CDC14A: variants seen among roughly 807,000 people sequenced by gnomAD.
CDC14A encodes the protein dual specificity protein phosphatase CDC14A.
In CDC14A, 53 loss-of-function variants were observed where a neutral mutation model predicts 74.4. The observed-to-expected ratio is 0.71, with a 90% confidence interval of 0.57 to 0.89. The LOEUF is 0.89. Ranked by LOEUF, CDC14A falls within the 40% of genes least tolerant of loss-of-function variation. CDC14A has a pLI of 0.00. For missense variants in CDC14A, 646 were observed against 713.7 expected (o/e 0.91, Z 1.08); for synonymous variants, 247 against 258.4 (o/e 0.96, Z 0.43).
intron 4 of CDC14A, among the ~76,000 whole-genome samples, chr1:100,400,433 G>C (rs931524354): frequency 2.6e-5 from 4 of 152,208 alleles, no homozygotes; most frequent in Middle Eastern, 3.4e-3. Context: ...TCAGCTACTA[G>C]TGTTCTGTCA....
chr1:100,347,633 T>C (rs1650540946), upstream of CDC14A, among the ~76,000 whole-genome samples: 1 of 152,226 alleles, frequency 6.6e-6, no homozygotes, highest in South Asian at 2.1e-4. Flanking sequence ...TACATGTATT[T>C]TACTAAAAGC....
chr1:100,475,228 T>A (rs1668771900), intron 10 of CDC14A, among the ~76,000 whole-genome samples: 1 of 152,228 alleles, frequency 6.6e-6, no homozygotes, highest in Admixed American at 6.5e-5. Context: ...TTTGGTTATA[T>A]GCTATTCTAA....
At chr1:100,436,640 G>A (rs748564027) in intron 5 of CDC14A, among the ~76,000 whole-genome samples, 1 of 152,048 alleles carries the variant, frequency 6.6e-6, no homozygotes, top group African/African-American at 2.4e-5. Context: ...GGACCAGGCT[G>A]GTCTTGAACT....
intron 4 of CDC14A, among the ~76,000 whole-genome samples, chr1:100,402,650 A>G (rs1253184394): frequency 6.6e-6 from 1 of 152,158 alleles, no homozygotes; most frequent in African/African-American, 2.4e-5. Context: ...TCAGTTGGAG[A>G]ATCTGAACCC....
chr1:100,504,821 G>A (rs899054027), intron 15 of CDC14A: 13 of 1,535,260 alleles, frequency 8.5e-6, no homozygotes, highest in Admixed American at 5.9e-5. Context: ...CAGTGTTCAT[G>A]CCTACTGCTA....
intron 3 of CDC14A, among the ~76,000 whole-genome samples, chr1:100,380,766 C>G (rs1655993420): frequency 6.6e-6 from 1 of 152,184 alleles, no homozygotes; most frequent in Non-Finnish European, 1.5e-5. Context: ...ATTTCATGCA[C>G]TAATTTACTG....
intron 5 of CDC14A, among the ~76,000 whole-genome samples, chr1:100,434,400 C>T (rs923702980): frequency 1.3e-5 from 2 of 152,110 alleles, no homozygotes; most frequent in African/African-American, 4.8e-5. Flanking sequence ...GCCTTGTGGC[C>T]ACAGTGAAGA....
chr1:100,493,484 G>C (rs565206676), intron 11 of CDC14A, among the ~76,000 whole-genome samples: 1 of 152,338 alleles, frequency 6.6e-6, no homozygotes, highest in South Asian at 2.1e-4. Flanking sequence ...GGCTTCCTTT[G>C]ATGGTAATAA....
upstream of CDC14A, chr1:100,351,674 G>A (rs377191950): frequency 2.8e-6 from 4 of 1,422,912 alleles, no homozygotes; most frequent in African/African-American, 1.4e-5. Context: ...GCCCCTCCGG[G>A]ACCGGAGCAC....
Position 100,520,086 on chromosome 1 carries a change from C to G in CDC14A, c.*1806C>G, listed in dbSNP as rs1650559838. 1 of 151,960 alleles carries G rather than the reference C, an allele frequency of 6.6e-6. No individual in the cohort carries two copies. The highest frequency in any genetic ancestry group is 1.5e-5 in the Non-Finnish European group (1 of 67,834). The allele number at this position is 151,960 out of a possible 1,614,324, so 9.4% of individuals were successfully genotyped here. ...GTCTAAAAATTACTTTACACATGTG[C>G]CTACATAGACACACCAAGAAGTGGA... On this transcript the variant is annotated 3_prime_UTR_variant, in exon 16 of 16. Transcript: ENST00000336454.
chr1:100,351,896 C>T, upstream of CDC14A: 1 of 1,170,236 alleles, frequency 8.5e-7, no homozygotes, highest in Non-Finnish European at 1.2e-6. Context: ...ATGCAGACCC[C>T]CTCAGTGTTG....
chr1:100,384,836 A>G (rs1656623988), intron 3 of CDC14A, among the ~76,000 whole-genome samples: 1 of 152,208 alleles, frequency 6.6e-6, no homozygotes, highest in African/African-American at 2.4e-5. Flanking sequence ...ATTCCCTCAC[A>G]AGAGCAGTAG....
intron 2 of CDC14A, 128 bp from the exon 3 acceptor site, chr1:100,377,418 T>C: frequency 1.5e-6 from 1 of 667,180 alleles, no homozygotes; most frequent in East Asian, 2.7e-5. Flanking sequence ...GATTATACCA[T>C]GGATCAGATT....
intron 5 of CDC14A, among the ~76,000 whole-genome samples, chr1:100,429,549 G>T (rs926727283): frequency 6.6e-6 from 1 of 151,532 alleles, no homozygotes; most frequent in African/African-American, 2.4e-5. Flanking sequence ...CTGATCCCTA[G>T]ATTCTGTGCC....
chr1:100,407,359 T>C (rs953253440), intron 4 of CDC14A, among the ~76,000 whole-genome samples: 6 of 152,240 alleles, frequency 3.9e-5, no homozygotes, highest in African/African-American at 1.2e-4. Flanking sequence ...TGTTTGTTTG[T>C]ATCCTCTTTG....
At chr1:100,467,222 C>T (rs544683245) in intron 9 of CDC14A, among the ~76,000 whole-genome samples, 31 of 152,150 alleles carry the variant, frequency 2.0e-4, no homozygotes, top group African/African-American at 6.5e-4. Context: ...ACATACTACA[C>T]GACTGTAGTT....
At position 100,393,150 on chromosome 1, in the gene CDC14A, ATCCAATTTGAC is replaced by A. The variant is rs751507046; in HGVS notation, c.309+2331_309+2341del. ...CAGTCTCATAATTCTTACTACAGAT[ATCCAATTTGAC>A]TCCATTTCTCTCAATTTAGATCCAG... On this transcript the variant is annotated intron_variant, in intron 4 of 15. Coordinates refer to ENST00000336454, the MANE Select transcript of CDC14A (RefSeq NM_003672.4). The A allele has an allele frequency of 7.2e-4, 1,104 of 1,529,054 alleles. 3 individuals carry two copies. The highest frequency in any genetic ancestry group is 1.7e-3 in the Middle Eastern group (10 of 5,768). 94.7% of individuals were successfully genotyped at this position (1,529,054 alleles called of 1,614,324 possible). A position where few individuals can be genotyped will look rare whatever the true frequency, so the allele number is the denominator to read the frequency against.
chr1:100,412,532 C>T (rs956955982), intron 4 of CDC14A, among the ~76,000 whole-genome samples: 3 of 148,872 alleles, frequency 2.0e-5, no homozygotes, highest in African/African-American at 7.6e-5. Context: ...GGAAACCTGC[C>T]ATTCAAGTCT....
rs540448502 is a variant in CDC14A at position 100,405,956 on chromosome 1, T to G, written c.309+15132T>G. 2.0e-4 allele frequency among the ~76,000 whole-genome samples: 31 copies of G among 152,336 alleles called. No individual in the cohort carries two copies. The South Asian group carries it at 6.4e-3, about 32-fold the overall frequency. On this transcript the variant is annotated intron_variant, in intron 4 of 15. Transcript: ENST00000336454. ...CTAGGTCTTTGAGGAATCGCCACACTGTCTTCCACAATGGTTGAACTAATT... is the reference window on the plus strand; with the variant it reads ...CTAGGTCTTTGAGGAATCGCCACACGGTCTTCCACAATGGTTGAACTAATT...
Sources: allele counts gnomAD v4.1 joint callset (sites outside exome capture counted in the v4.1 genomes callset), GRCh38; gene constraint gnomAD v4.1.1; transcripts MANE v1.5; gene names NCBI Gene and HGNC (gene_info 2026-07-23, HGNC 2026-07-21).